The following FLACC1 variants were observed in gnomAD, a reference collection of about 807,000 sequenced individuals.
FLACC1 encodes flagellum associated containing coiled-coil domains 1.
FLACC1 carries 66 observed loss-of-function variants against 62.8 expected under a neutral mutation model. The ratio of observed to expected loss-of-function variants is 1.05; its 90% CI spans 0.86 to 1.29. The LOEUF (loss-of-function observed/expected upper bound fraction) is 1.29. Among genes scored for constraint, FLACC1 ranks in the 50% most tolerant of loss-of-function variants. The probability of loss-of-function intolerance (pLI) is 0.00; values close to 1 mark genes in which losing one functional copy is unlikely to be tolerated. For synonymous variants in FLACC1, 156 were observed against 161.0 expected (o/e 0.97, Z 0.24); for missense variants, 452 against 489.1 (o/e 0.92, Z 0.71).
At chr2:201,288,822 A>G in intron 14 of FLACC1, 41 bp from the exon 15 acceptor site, 1 of 1,604,458 alleles carries the variant, frequency 6.2e-7, no homozygotes, top group Non-Finnish European at 8.5e-7. Context: ...TCAACTCAAA[A>G]GCTAGAAAGG....
chr2:201,298,552 A>G (rs1041489892), intron 12 of FLACC1, among the ~76,000 whole-genome samples: 1 of 152,222 alleles, frequency 6.6e-6, no homozygotes, highest in Non-Finnish European at 1.5e-5. Flanking sequence ...TACACTGGGT[A>G]TATCTTCCTC....
At chr2:201,307,960 C>A (rs1950140028) in intron 10 of FLACC1, among the ~76,000 whole-genome samples, 1 of 152,070 alleles carries the variant, frequency 6.6e-6, no homozygotes, top group South Asian at 2.1e-4. Flanking sequence ...TAAAATAAAG[C>A]TCTTGGCTAA....
intron 12 of FLACC1, among the ~76,000 whole-genome samples, chr2:201,291,617 G>T (rs1236093354): frequency 1.3e-5 from 2 of 152,208 alleles, no homozygotes; most frequent in Non-Finnish European, 2.9e-5. Context: ...AAATCAGAGT[G>T]CCTCTCCTCC....
At position 201,299,829 on chromosome 2, in the gene FLACC1, G is replaced by A. The variant is rs116519875; in HGVS notation, c.880-529C>T. On this transcript the variant is annotated intron_variant, in intron 11 of 14. Coordinates refer to ENST00000392257, the MANE Select transcript of FLACC1 (RefSeq NM_001127391.3). ...GTATGGAAAAATAGTCAAACAGAAC[G>A]GAGAGTCCTAACACCCCAAATACAG... Among the ~76,000 whole-genome samples, 975 of 152,240 alleles carry A rather than the reference G, an allele frequency of 6.4e-3. 12 individuals are homozygous for A. Among genetic ancestry groups the A allele is most frequent in the African/African-American group, 0.023 (938 of 41,538 alleles).
chr2:201,316,274 G>A (rs1950306095), intron 9 of FLACC1, among the ~76,000 whole-genome samples: 1 of 151,982 alleles, frequency 6.6e-6, no homozygotes, highest in African/African-American at 2.4e-5. Flanking sequence ...GAAACAAAAA[G>A]CTGGTTCTTT....
intron 9 of FLACC1, among the ~76,000 whole-genome samples, chr2:201,316,565 A>T (rs1006751344): frequency 7.2e-5 from 11 of 152,134 alleles, no homozygotes; most frequent in South Asian, 2.1e-4. Context: ...AATGATAATT[A>T]AAAAATTACC....
chr2:201,288,471 A>AGAG lies in FLACC1; in HGVS notation c.*181_*183dup. 1 of 602,132 alleles carries AGAG rather than the reference A, an allele frequency of 1.7e-6. No individual in the cohort carries two copies. The allele number at this position is 602,132 out of a possible 1,614,324, so 37.3% of individuals were successfully genotyped here. A position where few individuals can be genotyped will look rare whatever the true frequency, so the allele number is the denominator to read the frequency against. The stretch of plus-strand genomic sequence containing the variant: ...TATGGAGAGCATCATTTTTCAGTGA[A>AGAG]GAGTCCGTGATAAGCTGTGAAATTC... On this transcript the variant is annotated 3_prime_UTR_variant, in exon 15 of 15. Transcript: ENST00000392257.
chr2:201,294,505 A>G (rs1379110678), intron 12 of FLACC1, among the ~76,000 whole-genome samples: 3 of 152,238 alleles, frequency 2.0e-5, no homozygotes, highest in Admixed American at 2.0e-4. Context: ...TAAATTAGGT[A>G]TTGGTGGGAC....
chr2:201,340,713 T>G (rs1178117518), intron 7 of FLACC1, among the ~76,000 whole-genome samples: 1 of 152,170 alleles, frequency 6.6e-6, no homozygotes, highest in Non-Finnish European at 1.5e-5. Context: ...TACCATTGAG[T>G]GTTGTGCATT....
At chr2:201,350,631 A>C in intron 3 of FLACC1, 80 bp downstream of exon 3, 1 of 1,282,340 alleles carries the variant, frequency 7.8e-7, no homozygotes, top group South Asian at 1.4e-5. Flanking sequence ...CAGTGAGCCA[A>C]GGTTACACCA....
intron 7 of FLACC1, among the ~76,000 whole-genome samples, chr2:201,338,632 T>C (rs1950743026): frequency 6.6e-6 from 1 of 152,214 alleles, no homozygotes; most frequent in South Asian, 2.1e-4. Context: ...ATGTTGACTA[T>C]TATGAAATGC....
At chr2:201,294,331 G>C (rs1949808316) in intron 12 of FLACC1, among the ~76,000 whole-genome samples, 2 of 152,156 alleles carry the variant, frequency 1.3e-5, no homozygotes, top group Non-Finnish European at 2.9e-5. Context: ...CCATGATCAA[G>C]TGGGCTTCAT....
chr2:201,294,379 A>G (rs1390858023), intron 12 of FLACC1, among the ~76,000 whole-genome samples: 1 of 152,240 alleles, frequency 6.6e-6, no homozygotes, highest in Non-Finnish European at 1.5e-5. Flanking sequence ...ACGCAAATCA[A>G]TAAATGTAAT....
chr2:201,360,441 A>G (rs1951176470), upstream of FLACC1, among the ~76,000 whole-genome samples: 1 of 152,206 alleles, frequency 6.6e-6, no homozygotes, highest in Non-Finnish European at 1.5e-5. Flanking sequence ...GTCAGCTGGG[A>G]GCATTCGGAG....
intron 9 of FLACC1, among the ~76,000 whole-genome samples, chr2:201,317,724 A>G (rs1950331641): frequency 6.6e-6 from 1 of 152,190 alleles, no homozygotes; most frequent in South Asian, 2.1e-4. Context: ...GGAACCAAAA[A>G]AGAACCCACA....
At chr2:201,337,608 T>A (rs1950720662) in intron 7 of FLACC1, among the ~76,000 whole-genome samples, 1 of 152,158 alleles carries the variant, frequency 6.6e-6, no homozygotes, top group Admixed American at 6.5e-5. Context: ...ACTGCAGCCT[T>A]GACCATCTGG....
intron 11 of FLACC1, among the ~76,000 whole-genome samples, chr2:201,302,948 T>C (rs1358581172): frequency 1.3e-5 from 2 of 152,198 alleles, no homozygotes; most frequent in African/African-American, 4.8e-5. Flanking sequence ...GAGGGAAATT[T>C]ATAGCACTAA....
chr2:201,344,193 C>A lies in FLACC1; in HGVS notation c.439G>T (p.Asp147Tyr). 1 of 1,613,366 alleles carries A rather than the reference C, an allele frequency of 6.2e-7. No homozygotes were observed. The highest frequency in any genetic ancestry group is 8.5e-7 in the Non-Finnish European group (1 of 1,179,542). Residue 147 changes from aspartate (D) to tyrosine (Y), a missense_variant, in exon 6 of 15, where the codon GAC (aspartate) becomes TAC (tyrosine). Asp to Tyr is a radical substitution (Grantham distance 160, BLOSUM62 -3). Transcript: ENST00000392257. Reference sequence around the variant, plus strand: ...ACCAATTTCTGGGCAGACTGGTGGTCTCTGTTCATTTGTTCAATTATTGCT... The same window carrying A: ...ACCAATTTCTGGGCAGACTGGTGGTATCTGTTCATTTGTTCAATTATTGCT... ...LTAIIEQMNR[D>Y]HQSAQKLLSS...
At chr2:201,325,470 A>G (rs182579577) in intron 9 of FLACC1, among the ~76,000 whole-genome samples, 35 of 152,334 alleles carry the variant, frequency 2.3e-4, no homozygotes, top group African/African-American at 7.9e-4. Context: ...TCAATTAGAA[A>G]TGAAATTGGA....
Sources: gnomAD v4.1 joint callset for allele counts (sites outside exome capture counted in the v4.1 genomes callset) on GRCh38, gnomAD v4.1.1 for gene constraint, MANE v1.5 for transcripts, NCBI Gene and HGNC (gene_info 2026-07-23, HGNC 2026-07-21) for gene names.